Variants in KLC2 observed in about 807,000 individuals in gnomAD.
KLC2 encodes the protein kinesin light chain 2.
A neutral mutation model predicts 75.1 loss-of-function variants in KLC2; 35 were observed. The ratio of observed to expected loss-of-function variants is 0.47; its 90% CI spans 0.36 to 0.62. KLC2 has a LOEUF of 0.62. Ranked by LOEUF, KLC2 falls within the 20% of genes least tolerant of loss-of-function variation. The pLI, the probability that KLC2 is intolerant of heterozygous loss-of-function variation, is 0.00. For synonymous variants in KLC2, 314 were observed against 336.7 expected (o/e 0.93, Z 0.74); for missense variants, 611 against 833.2 (o/e 0.73, Z 3.28).
the KLC2 span, among the ~76,000 whole-genome samples, chr11:66,250,981 G>A: frequency 6.6e-5 from 10 of 152,348 alleles, no homozygotes; most frequent in Admixed American, 2.0e-4. Context: ...CCTAGGCAGA[G>A]AAGTGAGACG....
At chr11:66,262,768 C>A in intron 4 of KLC2, 46 bp from the exon 5 acceptor site, 1 of 1,429,098 alleles carries the variant, frequency 7.0e-7, no homozygotes, top group Non-Finnish European at 9.7e-7. Flanking sequence ...CCATCCCAGT[C>A]CAGTGGGCAG....
In KLC2 at chr11:66,257,804, C is replaced by T. The variant is rs903209956; in HGVS notation, c.-79C>T. ...CGGGATGGAGGCGGCGGGACCGGCT[C>T]GCGGGTGCGGGTCCGGGTGAAGCGG... On this transcript the variant is annotated 5_prime_UTR_variant, in exon 1 of 16. Transcript: ENST00000394067. The T allele has an allele frequency of 6.5e-6, 1 of 152,694 alleles. No homozygotes were observed. Among genetic ancestry groups the T allele is most frequent in the African/African-American group, 2.4e-5 (1 of 41,554 alleles). 9.5% of individuals were successfully genotyped at this position (152,694 alleles called of 1,614,324 possible).
chr11:66,264,867 C>G (rs1856704533), intron 9 of KLC2, 156 bp from the exon 10 acceptor site: 1 of 658,440 alleles, frequency 1.5e-6, no homozygotes, highest in Admixed American at 2.8e-5. Flanking sequence ...TCATCTCTGT[C>G]CAGAAGAGGG....
At position 66,258,478 on chromosome 11, in the gene KLC2, C is replaced by G; in HGVS notation, c.-11-106C>G. 7 of 731,828 alleles carry G rather than the reference C, an allele frequency of 9.6e-6. No individual in the cohort carries two copies. The South Asian group carries it at 1.2e-4, about 13-fold the overall frequency. 45.3% of individuals were successfully genotyped at this position (731,828 alleles called of 1,614,324 possible). A position where few individuals can be genotyped will look rare whatever the true frequency, so the allele number is the denominator to read the frequency against. On this transcript the variant is annotated intron_variant, in intron 1 of 15. Transcript: ENST00000394067. ...GGCTGCCGGCTGGGGGACCTGGGCA[C>G]ACGGGAGACTCAGGCGTCCGGGGAC...
upstream of KLC2, among the ~76,000 whole-genome samples, chr11:66,255,720 A>G (rs1452499475): frequency 6.6e-6 from 1 of 151,504 alleles, no homozygotes; most frequent in East Asian, 1.9e-4. Context: ...CAGCAGTCAC[A>G]GAGATAACTA....
chr11:66,260,239 G>A (rs191975047), intron 2 of KLC2, among the ~76,000 whole-genome samples: 16 of 151,646 alleles, frequency 1.1e-4, no homozygotes, highest in African/African-American at 3.6e-4. Flanking sequence ...CAACAACAAA[G>A]TACAGGGTCT....
Position 66,265,157 on chromosome 11 carries a change from C to T in KLC2, c.1267-11C>T, listed in dbSNP as rs1856726050. On this transcript the variant is annotated splice_polypyrimidine_tract_variant and intron_variant, in intron 10 of 15. Coordinates refer to ENST00000394067, the MANE Select transcript of KLC2 (RefSeq NM_001318734.2). ...CCTGCTCTCACTTCTTGTGACCATT[C>T]TTTCCTCCAGGATAAGCGCCGGGAC... 1 of 1,612,976 alleles carries T rather than the reference C, an allele frequency of 6.2e-7. No individual in the cohort carries two copies. Among genetic ancestry groups the T allele is most frequent in the Non-Finnish European group, 8.5e-7 (1 of 1,179,128 alleles).
chr11:66,251,723 G>A, the KLC2 span, among the ~76,000 whole-genome samples: 1 of 152,170 alleles, frequency 6.6e-6, no homozygotes, highest in Non-Finnish European at 1.5e-5. Context: ...AGTGAGCCGA[G>A]ACAATGCCAT....
chr11:66,245,055 C>T, the KLC2 span: 1 of 152,320 alleles, frequency 6.6e-6, no homozygotes, highest in African/African-American at 2.4e-5. Flanking sequence ...AAGGTCAGAA[C>T]TTAGCTTCTC....
In KLC2 at chr11:66,263,017, A is replaced by G. The variant is rs1397854714; in HGVS notation, c.733A>G (p.Ile245Val). 2 of 1,613,878 alleles carry G rather than the reference A, an allele frequency of 1.2e-6. No individual in the cohort carries two copies. The highest frequency in any genetic ancestry group is 1.1e-5 in the South Asian group (1 of 91,074). Residue 245 changes from isoleucine to valine, a missense_variant, in exon 5 of 16, where the codon ATC becomes GTC. Physicochemically the swap from Ile to Val is conservative, Grantham distance 29. Coordinates refer to ENST00000394067, the MANE Select transcript of KLC2 (RefSeq NM_001318734.2). Reference protein sequence around the residue: ...DHPDVATMLNILALVYRDQNK... With the variant: ...DHPDVATMLNVLALVYRDQNK... ...CCCTGACGTTGCCACCATGCTGAAC[A>G]TCCTGGCACTGGTCTATCGGTGAGG...
chr11:66,266,516 C>G (rs1225427711), intron 15 of KLC2, 26 bp downstream of exon 15: 4 of 1,610,712 alleles, frequency 2.5e-6, no homozygotes, highest in Admixed American at 1.7e-5. Context: ...TGTCTGGGCA[C>G]TGGGCAGCTG....
At chr11:66,262,480 G>T (rs959335619) in intron 4 of KLC2, 1 of 552,988 alleles carries the variant, frequency 1.8e-6, no homozygotes, top group Admixed American at 3.1e-5. Context: ...AATCACCTCT[G>T]AAGGAGGCAC....
At position 66,267,215 on chromosome 11, in the gene KLC2, G is replaced by T. The variant is rs1856896847; in HGVS notation, c.*259G>T. 1 of 1,540,774 alleles carries T rather than the reference G, an allele frequency of 6.5e-7. No individual in the cohort carries two copies. The highest frequency in any genetic ancestry group is 8.8e-7 in the Non-Finnish European group (1 of 1,138,184). On this transcript the variant is annotated 3_prime_UTR_variant, in exon 16 of 16. Transcript: ENST00000394067. ...TTCGGGCCAGCAGGAGGTGCCGGCT[G>T]GAGTCTCCACCATAGACTCAGTGGC...
the KLC2 span, among the ~76,000 whole-genome samples, chr11:66,248,965 C>T: frequency 1.3e-5 from 2 of 152,130 alleles, no homozygotes; most frequent in Non-Finnish European, 2.9e-5. Context: ...CCTCAGTTAT[C>T]GATCCTCCTA....
rs5792385 is a variant in KLC2 at position 66,267,815 on chromosome 11, CA to C, written c.*860del. The C allele has an allele frequency of 1, 443,133 of 443,162 alleles. 221,552 individuals are homozygous for C. Among genetic ancestry groups the C allele is most frequent in the Middle Eastern group, 1 (1,754 of 1,754 alleles). 27.5% of individuals were successfully genotyped at this position (443,162 alleles called of 1,614,324 possible). A position where few individuals can be genotyped will look rare whatever the true frequency, so the allele number is the denominator to read the frequency against. On this transcript the variant is annotated 3_prime_UTR_variant, in exon 16 of 16. Coordinates refer to ENST00000394067, the MANE Select transcript of KLC2 (RefSeq NM_001318734.2). ...CTGTTGCGGGTGAGGCGGCTGCTCT[CA>C]TATTTTCAGATGTTGCTGTAGAAAT...
In KLC2 at chr11:66,266,184, A is replaced by G; in HGVS notation, c.1694A>G (p.Gln565Arg). 6.2e-7 allele frequency: 1 copy of G among 1,611,260 alleles called. No individual in the cohort carries two copies. Among genetic ancestry groups the G allele is most frequent in the Non-Finnish European group, 8.5e-7 (1 of 1,178,996 alleles). The change falls in exon 14 of 16, where the codon CAG becomes CGG. Residue 565 changes from glutamine (Q) to arginine (R), a missense_variant. Gln to Arg is a conservative substitution (Grantham distance 43). Transcript: ENST00000394067. ...AGTGAGATGCTGGTAAAGAAGCTGCAGGGGGGCACCCCCCAGGAGCCCCCT... is the reference window on the plus strand; with the variant it reads ...AGTGAGATGCTGGTAAAGAAGCTGCGGGGGGGCACCCCCCAGGAGCCCCCT... ...RSSEMLVKKL[Q>R]GGTPQEPPNP...
upstream of KLC2, among the ~76,000 whole-genome samples, chr11:66,254,897 C>G (rs889605833): frequency 6.6e-5 from 10 of 152,104 alleles, no homozygotes; most frequent in Admixed American, 1.3e-4. Context: ...TGCACTCCAG[C>G]CTGGGCGACA....
At chr11:66,262,747 G>A in intron 4 of KLC2, 67 bp from the exon 5 acceptor site, 1 of 1,190,298 alleles carries the variant, frequency 8.4e-7, no homozygotes, top group South Asian at 1.3e-5. Flanking sequence ...CAAAGGCACA[G>A]CTGGCATGTG....
chr11:66,266,420 C>T lies in KLC2; in HGVS notation c.1728-13C>T. On this transcript the variant is annotated splice_polypyrimidine_tract_variant and intron_variant, in intron 14 of 15. Coordinates refer to ENST00000394067, the MANE Select transcript of KLC2 (RefSeq NM_001318734.2). ...CCTCCTTGGGCAAATCCCAGGCTGT[C>T]CTTTTCCCTCAGGATGAAGCGGGCC... The T allele has an allele frequency of 6.3e-7, 1 of 1,595,436 alleles. No homozygotes were observed.
Sources: allele counts gnomAD v4.1 joint callset (sites outside exome capture counted in the v4.1 genomes callset), GRCh38; gene constraint gnomAD v4.1.1; transcripts MANE v1.5; gene names NCBI Gene and HGNC (gene_info 2026-07-23, HGNC 2026-07-21).